The following SNX24 variants were observed in gnomAD, a reference collection of about 807,000 sequenced individuals.
The protein encoded by SNX24 is sorting nexin-24.
In SNX24, 22 loss-of-function variants were observed where a neutral mutation model predicts 28.7. The ratio of observed to expected loss-of-function variants is 0.77; its 90% confidence interval spans 0.55 to 1.10. SNX24 has a LOEUF of 1.10. Among genes scored for constraint, SNX24 ranks in the 50% least tolerant of loss-of-function variants. The pLI is 0.00. For synonymous variants in SNX24, 69 were observed against 71.5 expected, an observed-to-expected ratio of 0.96 and a Z score of 0.18; for missense variants, 221 against 201.1, an observed-to-expected ratio of 1.10 and a Z score of -0.60.
intron 1 of SNX24, among the ~76,000 whole-genome samples, chr5:122,905,507 C>T (rs1757611230): frequency 6.6e-6 from 1 of 152,146 alleles, no homozygotes; most frequent in South Asian, 2.1e-4. Context: ...TTTTTGAGTG[C>T]TAACATGATG....
At chr5:122,984,758 G>C (rs1323914232) in intron 3 of SNX24, among the ~76,000 whole-genome samples, 1 of 152,190 alleles carries the variant, frequency 6.6e-6, no homozygotes, top group Non-Finnish European at 1.5e-5. Context: ...TAGAAATGAA[G>C]ACGTAGTGGA....
intron 1 of SNX24, among the ~76,000 whole-genome samples, chr5:122,934,574 G>A (rs1273819709): frequency 6.6e-6 from 1 of 152,044 alleles, no homozygotes; most frequent in South Asian, 2.1e-4. Flanking sequence ...TGGCCACACT[G>A]GTCTCAAACT....
intron 5 of SNX24, among the ~76,000 whole-genome samples, chr5:123,019,158 C>T (rs1762728047): frequency 1.3e-5 from 2 of 152,054 alleles, no homozygotes; most frequent in Admixed American, 1.3e-4. Context: ...TGTTATATCA[C>T]ACCTAAAACT....
At chr5:122,923,602 T>C (rs1357856017) in intron 1 of SNX24, among the ~76,000 whole-genome samples, 1 of 152,144 alleles carries the variant, frequency 6.6e-6, no homozygotes, top group Non-Finnish European at 1.5e-5. Context: ...GACACAGAGG[T>C]TGTCCCTCTC....
chr5:122,953,027 C>G (rs1760025467), intron 3 of SNX24, among the ~76,000 whole-genome samples: 1 of 152,016 alleles, frequency 6.6e-6, no homozygotes, highest in Non-Finnish European at 1.5e-5. Flanking sequence ...TTGAAAACTT[C>G]CTCAGGTTAC....
chr5:122,927,471 C>T (rs1758754248), intron 1 of SNX24, among the ~76,000 whole-genome samples: 2 of 152,092 alleles, frequency 1.3e-5, no homozygotes, highest in Non-Finnish European at 2.9e-5. Flanking sequence ...ATTTTGGGGA[C>T]ACAATTCATT....
At chr5:122,960,745 A>G (rs766103981) in intron 3 of SNX24, among the ~76,000 whole-genome samples, 24 of 152,282 alleles carry the variant, frequency 1.6e-4, no homozygotes, top group Non-Finnish European at 2.5e-4. Flanking sequence ...AGGTTCACTT[A>G]CCAGAGAAGG....
chr5:122,939,937 C>G lies in SNX24; in HGVS notation c.144+3120C>G, dbSNP rs139057254. Among the ~76,000 whole-genome samples the G allele has an allele frequency of 7.3e-3, 1,112 of 152,226 alleles. 9 individuals carry two copies. Among genetic ancestry groups the G allele is most frequent in the Non-Finnish European group, 0.012 (825 of 68,012 alleles). ...CAAGTGTGTTCCTACTTTTCTGTTA[C>G]CTTGCATTATCTTCCAAATTCTTAT... On this transcript the variant is annotated intron_variant, in intron 2 of 6. Transcript: ENST00000261369.
At chr5:122,848,745 C>T (rs1165894867) in intron 1 of SNX24, among the ~76,000 whole-genome samples, 2 of 152,000 alleles carry the variant, frequency 1.3e-5, no homozygotes, top group African/African-American at 4.8e-5. Context: ...AAACACATTA[C>T]ATCACATTCT....
intron 3 of SNX24, among the ~76,000 whole-genome samples, chr5:122,959,933 G>C (rs1192362364): frequency 1.3e-5 from 2 of 152,204 alleles, no homozygotes; most frequent in African/African-American, 4.8e-5. Context: ...CTGAATGATA[G>C]AGTCTCTGTG....
At chr5:123,022,018 G>C (rs448442) in intron 5 of SNX24, among the ~76,000 whole-genome samples, 3 of 151,738 alleles carry the variant, frequency 2.0e-5, no homozygotes, top group Non-Finnish European at 2.9e-5. Flanking sequence ...CTTCTCTCCC[G>C]GCCTCTCTGG....
At chr5:122,859,199 A>G (rs74602967) in intron 1 of SNX24, among the ~76,000 whole-genome samples, 1 of 152,216 alleles carries the variant, frequency 6.6e-6, no homozygotes. Context: ...AGGGAAAGGA[A>G]AAAGTTAATG....
chr5:122,955,797 C>T (rs1465033827), intron 3 of SNX24, among the ~76,000 whole-genome samples: 1 of 152,146 alleles, frequency 6.6e-6, no homozygotes, highest in East Asian at 1.9e-4. Flanking sequence ...TAAGAGGGGG[C>T]ACATTACCAA....
At chr5:123,025,708 A>T in intron 5 of SNX24, 1 of 1,440,812 alleles carries the variant, frequency 6.9e-7, no homozygotes, top group Non-Finnish European at 9.5e-7. Context: ...AGCATATTTT[A>T]AGATTAAAAT....
chr5:122,934,206 C>T (rs1759087432), intron 1 of SNX24, among the ~76,000 whole-genome samples: 1 of 152,010 alleles, frequency 6.6e-6, no homozygotes, highest in African/African-American at 2.4e-5. Flanking sequence ...TCCTGGAGGC[C>T]GCCACCTCAC....
chr5:122,900,560 G>T (rs1418072335), intron 1 of SNX24, among the ~76,000 whole-genome samples: 2 of 152,008 alleles, frequency 1.3e-5, no homozygotes, highest in East Asian at 3.9e-4. Flanking sequence ...TTAAGGCTAG[G>T]AGTTTGAGAC....
chr5:123,015,118 T>C (rs1762657414), intron 5 of SNX24, among the ~76,000 whole-genome samples: 1 of 152,232 alleles, frequency 6.6e-6, no homozygotes, highest in African/African-American at 2.4e-5. Context: ...CTTCAAAGAA[T>C]GTGAACTCCA....
At chr5:122,884,816 C>G (rs984385576) in intron 1 of SNX24, among the ~76,000 whole-genome samples, 3 of 151,802 alleles carry the variant, frequency 2.0e-5, no homozygotes, top group African/African-American at 7.3e-5. Context: ...TTGAGAAGCC[C>G]CTGTTCTAGC....
intron 1 of SNX24, among the ~76,000 whole-genome samples, chr5:122,872,439 TA>T (rs1238173686): frequency 4.6e-5 from 7 of 152,138 alleles, no homozygotes; most frequent in Non-Finnish European, 1.0e-4. Flanking sequence ...CTTTTTAGGA[TA>T]GGCCAAAGAA....
Sources: allele counts gnomAD v4.1 joint callset (sites outside exome capture counted in the v4.1 genomes callset), GRCh38; gene constraint gnomAD v4.1.1; transcripts MANE v1.5; gene names NCBI Gene and HGNC (gene_info 2026-07-23, HGNC 2026-07-21).